EFR3A: variants seen among roughly 807,000 people sequenced by gnomAD.
EFR3A encodes protein EFR3 homolog A.
In EFR3A, 76 loss-of-function variants were observed where a neutral mutation model predicts 104.4. That is an observed-to-expected ratio of 0.73 (90% CI 0.60 to 0.88). The LOEUF is 0.88. EFR3A is among the 40% of genes least tolerant of loss of function. The pLI is 0.00. For synonymous variants in EFR3A, 330 were observed against 330.0 expected, an observed-to-expected ratio of 1.00 and a Z score of 0.00; for missense variants, 985 against 1,012.5, an observed-to-expected ratio of 0.97 and a Z score of 0.37.
intron 1 of EFR3A, among the ~76,000 whole-genome samples, chr8:131,939,698 T>A (rs991661391): frequency 3.9e-5 from 6 of 152,156 alleles, no homozygotes; most frequent in African/African-American, 1.4e-4. Flanking sequence ...AATCTTCTTT[T>A]CAGGTTATAA....
In EFR3A at chr8:131,978,902, T is replaced by A; in HGVS notation, c.1382T>A (p.Leu461Gln). 6.2e-7 allele frequency: 1 copy of A among 1,612,938 alleles called. No homozygotes were observed. Among genetic ancestry groups the A allele is most frequent in the Middle Eastern group, 1.7e-4 (1 of 6,060 alleles). ...GTTACTGCACTGCCAGGGTCTTTCC[T>A]GGATCCTTTGTTATCACCATCTCTC... ...TIVTALPGSF[L>Q]DPLLSPSLME... Residue 461 changes from leucine to glutamine, a missense_variant, in exon 13 of 23, where the codon CTG (leucine) becomes CAG (glutamine). Leu to Gln is a moderately radical substitution (Grantham distance 113). Transcript: ENST00000254624.
intron 1 of EFR3A, 38 bp from the exon 2 acceptor site, chr8:131,940,461 A>G: frequency 2.0e-6 from 3 of 1,533,256 alleles, no homozygotes; most frequent in Non-Finnish European, 2.6e-6. Context: ...TACAATATTA[A>G]TAATATCTGT....
At chr8:131,943,717 A>G (rs1457325030) in intron 2 of EFR3A, among the ~76,000 whole-genome samples, 1 of 151,942 alleles carries the variant, frequency 6.6e-6, no homozygotes, top group Non-Finnish European at 1.5e-5. Context: ...ACCTTCACCC[A>G]TCTATGACAA....
chr8:131,926,678 G>A (rs892501505), intron 1 of EFR3A, among the ~76,000 whole-genome samples: 3 of 152,012 alleles, frequency 2.0e-5, no homozygotes, highest in Admixed American at 1.3e-4. Flanking sequence ...GGAGTGCAGT[G>A]GCATGATTGT....
chr8:131,918,211 C>T (rs546540464), intron 1 of EFR3A, among the ~76,000 whole-genome samples: 10 of 152,214 alleles, frequency 6.6e-5, no homozygotes, highest in East Asian at 3.9e-4. Flanking sequence ...CGCATGAACC[C>T]GGAAGGTGGA....
chr8:131,949,985 A>T lies in EFR3A; in HGVS notation c.383A>T (p.Asn128Ile). The T allele has an allele frequency of 6.3e-7, 1 of 1,593,956 alleles. No individual in the cohort carries two copies. Among genetic ancestry groups the T allele is most frequent in the Non-Finnish European group, 8.5e-7 (1 of 1,173,096 alleles). ...GTTTTTTAGTTTGTCAAATTTGCAA[A>T]TATTGAAGAAGACACACCATCCTAT... ...LGTNSFVKFA[N>I]IEEDTPSYHR... The change falls in exon 5 of 23, where the codon AAT becomes ATT. Residue 128 changes from asparagine to isoleucine, a missense_variant. Transcript: ENST00000254624.
At chr8:131,961,363 T>G (rs1373638840) in intron 8 of EFR3A, among the ~76,000 whole-genome samples, 1 of 152,108 alleles carries the variant, frequency 6.6e-6, no homozygotes, top group East Asian at 1.9e-4. Context: ...GAGAAGTCCT[T>G]AAAGGACCTG....
At chr8:131,986,454 T>C (rs1820887501) in intron 17 of EFR3A, among the ~76,000 whole-genome samples, 193 bp downstream of exon 17, 1 of 152,154 alleles carries the variant, frequency 6.6e-6, no homozygotes, top group Non-Finnish European at 1.5e-5. Context: ...TGTTGACTTA[T>C]GCACAACATG....
chr8:131,987,887 C>G (rs144299189), intron 18 of EFR3A, among the ~76,000 whole-genome samples, 185 bp downstream of exon 18: 10 of 152,214 alleles, frequency 6.6e-5, no homozygotes, highest in Non-Finnish European at 1.5e-4. Context: ...TTCAGTAAAT[C>G]TCTAACGACA....
Position 131,978,899 on chromosome 8 carries a change from TC to T in EFR3A, c.1381del (p.Leu461TrpfsTer15). 6.2e-7 allele frequency: 1 copy of T among 1,612,852 alleles called. No individual in the cohort carries two copies. The highest frequency in any genetic ancestry group is 8.5e-7 in the Non-Finnish European group (1 of 1,179,188). On this transcript the variant is annotated frameshift_variant, in exon 13 of 23. Coordinates refer to ENST00000254624, the MANE Select transcript of EFR3A (RefSeq NM_015137.6). LOFTEE classifies it high-confidence loss of function. ...ATTGTTACTGCACTGCCAGGGTCTTTCCTGGATCCTTTGTTATCACCATCTC... is the reference window on the plus strand; with the variant it reads ...ATTGTTACTGCACTGCCAGGGTCTTTCTGGATCCTTTGTTATCACCATCTC... The part of the protein sequence containing the change: ...KTIVTALPGS[F>X]LDPLLSPSLM...
chr8:131,905,216 T>G (rs1816188677), intron 1 of EFR3A, among the ~76,000 whole-genome samples: 1 of 152,218 alleles, frequency 6.6e-6, no homozygotes, highest in Non-Finnish European at 1.5e-5. Flanking sequence ...AGGACTCCTT[T>G]GACTAAGTGT....
intron 9 of EFR3A, among the ~76,000 whole-genome samples, chr8:131,968,638 TC>T (rs1354748479): frequency 6.6e-6 from 1 of 152,168 alleles, no homozygotes; most frequent in Non-Finnish European, 1.5e-5. Flanking sequence ...CAATTCCTCC[TC>T]CCTTTCCTTC....
At chr8:131,957,496 A>G (rs1409566132) in intron 7 of EFR3A, among the ~76,000 whole-genome samples, 2 of 151,916 alleles carry the variant, frequency 1.3e-5, no homozygotes. Flanking sequence ...GATTATAGGC[A>G]TGCGCCACCA....
chr8:131,975,895 T>C, intron 10 of EFR3A, 132 bp from the exon 11 acceptor site: 1 of 614,684 alleles, frequency 1.6e-6, no homozygotes, highest in Non-Finnish European at 2.9e-6. Flanking sequence ...TATCCTTTAA[T>C]GTTACATGTA....
intron 1 of EFR3A, among the ~76,000 whole-genome samples, chr8:131,931,457 C>T (rs1817606415): frequency 6.6e-6 from 1 of 151,982 alleles, no homozygotes; most frequent in South Asian, 2.1e-4. Context: ...GAGGGTAAAT[C>T]CAGTCATTTT....
intron 14 of EFR3A, 61 bp from the exon 15 acceptor site, chr8:131,984,078 G>T: frequency 6.8e-7 from 1 of 1,479,690 alleles, no homozygotes; most frequent in Non-Finnish European, 9.1e-7. Flanking sequence ...ATATGCATGT[G>T]AAATCTGCCT....
chr8:131,960,179 C>A (rs1819232953), intron 8 of EFR3A, among the ~76,000 whole-genome samples: 1 of 152,140 alleles, frequency 6.6e-6, no homozygotes. Flanking sequence ...AAGGGACTTT[C>A]CTTTCTTGTC....
At chr8:132,005,424 G>GT (rs1821985395) in intron 22 of EFR3A, among the ~76,000 whole-genome samples, 1 of 150,908 alleles carries the variant, frequency 6.6e-6, no homozygotes, top group Admixed American at 6.6e-5. Context: ...CCTGAGTATG[G>GT]TTAAAAAAAA....
chr8:131,964,462 C>T (rs1487495355), intron 8 of EFR3A, among the ~76,000 whole-genome samples: 1 of 151,816 alleles, frequency 6.6e-6, no homozygotes, highest in Non-Finnish European at 1.5e-5. Context: ...TGAGTGAACT[C>T]CCATTCACAA....
Sources: gnomAD v4.1 joint callset for allele counts (sites outside exome capture counted in the v4.1 genomes callset) on GRCh38, gnomAD v4.1.1 for gene constraint, MANE v1.5 for transcripts, NCBI Gene and HGNC (gene_info 2026-07-23, HGNC 2026-07-21) for gene names.